FBXW7: variants seen among roughly 807,000 people sequenced by gnomAD.
The protein encoded by FBXW7 is F-box/WD repeat-containing protein 7.
In FBXW7, 11 loss-of-function variants were observed where a neutral mutation model predicts 86.3. The ratio of observed to expected loss-of-function variants is 0.13; its 90% CI spans 0.08 to 0.21. The LOEUF (loss-of-function observed/expected upper bound fraction) is 0.21. Ranked by LOEUF, FBXW7 falls within the 10% of genes least tolerant of loss-of-function variation. FBXW7 has a pLI of 1.00. For missense variants in FBXW7, 488 were observed against 847.4 expected, an observed-to-expected ratio of 0.58 and a Z score of 5.27; for synonymous variants, 313 against 297.9, an observed-to-expected ratio of 1.05 and a Z score of -0.52.
At chr4:152,436,255 T>A (rs1477353099) in intron 2 of FBXW7, among the ~76,000 whole-genome samples, 1 of 152,216 alleles carries the variant, frequency 6.6e-6, no homozygotes, top group African/African-American at 2.4e-5. Context: ...GGAAAAAGTT[T>A]TGAGTGATCT....
intron 4 of FBXW7, among the ~76,000 whole-genome samples, chr4:152,375,890 G>A (rs922972854): frequency 6.6e-6 from 1 of 152,086 alleles, no homozygotes; most frequent in African/African-American, 2.4e-5. Flanking sequence ...CAGTGATGTG[G>A]TTAAATTTAT....
At chr4:152,477,254 G>A (rs1744500224) in intron 2 of FBXW7, among the ~76,000 whole-genome samples, 1 of 152,084 alleles carries the variant, frequency 6.6e-6, no homozygotes, top group Non-Finnish European at 1.5e-5. Context: ...TAGTTCCAAA[G>A]GGGTAGGTCA....
intron 2 of FBXW7, among the ~76,000 whole-genome samples, chr4:152,529,345 T>C (rs1579445211): frequency 6.6e-6 from 1 of 152,218 alleles, no homozygotes; most frequent in East Asian, 1.9e-4. Context: ...TCAGATTATA[T>C]ACTCTTTTTT....
intron 2 of FBXW7, among the ~76,000 whole-genome samples, chr4:152,415,460 T>C (rs1738340627): frequency 6.6e-6 from 1 of 152,162 alleles, no homozygotes. Flanking sequence ...AATCACTTTC[T>C]GCAAGAAGTT....
At chr4:152,523,206 C>T (rs1486390939) in intron 2 of FBXW7, among the ~76,000 whole-genome samples, 1 of 151,980 alleles carries the variant, frequency 6.6e-6, no homozygotes, top group Non-Finnish European at 1.5e-5. Context: ...TCACAACATC[C>T]CTGGGTGGTA....
chr4:152,404,970 T>C (rs573149335), intron 4 of FBXW7, among the ~76,000 whole-genome samples: 166 of 151,568 alleles, frequency 1.1e-3, no homozygotes, highest in Middle Eastern at 6.9e-3. Context: ...GTGCCACGAG[T>C]GGTCCCAGTT....
In FBXW7 at chr4:152,535,296, G is replaced by A. The variant is rs1298603072; in HGVS notation, c.-382C>T. ...GGTCCCCCCCGGCCCCGCCGCCCTC[G>A]GGACTGGGGCGGGGGAGGGGGGCTC... On this transcript the variant is annotated 5_prime_UTR_variant, in exon 1 of 14. Transcript: ENST00000281708. 6.8e-6 allele frequency: 2 copies of A among 294,462 alleles called. No homozygotes were observed. The highest frequency in any genetic ancestry group is 5.2e-5 in the Admixed American group (1 of 19,394). The allele number at this position is 294,462 out of a possible 1,614,324, so 18.2% of individuals were successfully genotyped here. A position where few individuals can be genotyped will look rare whatever the true frequency, so the allele number is the denominator to read the frequency against.
At position 152,346,988 on chromosome 4, in the gene FBXW7, C is replaced by A. The variant is rs185892035; in HGVS notation, c.668G>T (p.Arg223Leu). The A allele has an allele frequency of 1.9e-6, 3 of 1,612,828 alleles. No homozygotes were observed. In the African/African-American group the frequency reaches 4.0e-5, roughly 22 times the overall value. The change falls in exon 6 of 14, where the codon CGC becomes CTC. Residue 223 changes from arginine to leucine, a missense_variant. By Grantham distance (102) the Arg-to-Leu change is moderately radical. This residue lies in a region of FBXW7 where 59 missense variants were observed against 137.9 expected (regional missense o/e 0.43). Transcript: ENST00000281708. ...AGGTGGCTGGACAGATGTAATTCGG[C>A]GTCGTTGTTGCCCTTGGCCATTGGC... is the stretch of plus-strand genomic sequence containing the variant. ...RAANGQGQQR[R>L]RITSVQPPTG... is the part of the protein sequence containing the mutation.
intron 4 of FBXW7, among the ~76,000 whole-genome samples, chr4:152,358,695 C>T (rs943901596): frequency 6.6e-6 from 1 of 152,136 alleles, no homozygotes; most frequent in African/African-American, 2.4e-5. Flanking sequence ...TAGGTGGTTA[C>T]TTGACCTTTA....
chr4:152,460,259 G>T (rs999010246), intron 2 of FBXW7, among the ~76,000 whole-genome samples: 1 of 152,072 alleles, frequency 6.6e-6, no homozygotes, highest in Non-Finnish European at 1.5e-5. Flanking sequence ...TAATTTGTAT[G>T]TCATTACATA....
intron 2 of FBXW7, among the ~76,000 whole-genome samples, chr4:152,477,101 G>A (rs1744480688): frequency 6.6e-6 from 1 of 150,976 alleles, no homozygotes; most frequent in South Asian, 2.1e-4. Flanking sequence ...GCTACTGCTT[G>A]CTGCACTAAT....
At chr4:152,340,801 T>C (rs1294162488) in intron 6 of FBXW7, among the ~76,000 whole-genome samples, 1 of 152,116 alleles carries the variant, frequency 6.6e-6, no homozygotes, top group Non-Finnish European at 1.5e-5. Flanking sequence ...TTTTTCAACA[T>C]CTATTTTTGG....
chr4:152,479,258 A>G (rs1744674080), intron 2 of FBXW7, among the ~76,000 whole-genome samples: 1 of 152,144 alleles, frequency 6.6e-6, no homozygotes, highest in Admixed American at 6.6e-5. Flanking sequence ...CATATCTTTT[A>G]AAACAAGTCT....
intron 6 of FBXW7, among the ~76,000 whole-genome samples, chr4:152,340,609 T>C (rs956279386): frequency 6.9e-6 from 1 of 145,768 alleles, no homozygotes; most frequent in African/African-American, 2.5e-5. Context: ...AGGATACCAC[T>C]GATAAAGACG....
intron 2 of FBXW7, among the ~76,000 whole-genome samples, chr4:152,533,432 A>C (rs536379126): frequency 2.6e-5 from 4 of 152,304 alleles, no homozygotes; most frequent in Non-Finnish European, 2.9e-5. Flanking sequence ...TCTGATTCTA[A>C]CATTACATCC....
chr4:152,421,267 G>A (rs140115063), intron 2 of FBXW7, among the ~76,000 whole-genome samples: 2 of 152,266 alleles, frequency 1.3e-5, no homozygotes, highest in African/African-American at 4.8e-5. Context: ...GCCTTGCTCT[G>A]GATTAGGCTT....
At chr4:152,443,265 A>AAAAAC (rs1741073235) in intron 2 of FBXW7, among the ~76,000 whole-genome samples, 1 of 152,198 alleles carries the variant, frequency 6.6e-6, no homozygotes, top group Admixed American at 6.5e-5. Context: ...TCCTTCTCAA[A>AAAAAC]AAAACAAAAC....
At chr4:152,523,811 T>A (rs887056948) in intron 2 of FBXW7, among the ~76,000 whole-genome samples, 3 of 152,170 alleles carry the variant, frequency 2.0e-5, no homozygotes, top group Non-Finnish European at 4.4e-5. Flanking sequence ...TGACACATCA[T>A]CTATTTTGTT....
At chr4:152,387,708 C>CTTTTTTTTTTTTTTTTT (rs34073737) in intron 4 of FBXW7, among the ~76,000 whole-genome samples, 7 of 112,794 alleles carry the variant, frequency 6.2e-5, no homozygotes, top group African/African-American at 2.5e-4. Context: ...CATGGCATAC[C>CTTTTTTTTTTTTTTTTT]TTTTTTTTTT....
Sources: allele counts gnomAD v4.1 joint callset (sites outside exome capture counted in the v4.1 genomes callset), GRCh38; gene constraint gnomAD v4.1.1; regional missense constraint gnomAD v4.1.1; transcripts MANE v1.5; gene names NCBI Gene and HGNC (gene_info 2026-07-23, HGNC 2026-07-21).